ADARB1: variants seen among roughly 807,000 people sequenced by gnomAD.
ADARB1 encodes the protein adenosine deaminase RNA specific B1.
Under a neutral mutation model 52.4 loss-of-function variants are expected in ADARB1, and 10 were observed. That is an observed-to-expected ratio of 0.19 (90% CI 0.12 to 0.32). The LOEUF (loss-of-function observed/expected upper bound fraction) is 0.32, where lower values mean the gene tolerates loss of function less well. Ranked by LOEUF, ADARB1 falls within the 10% of genes least tolerant of loss-of-function variation. ADARB1 has a pLI of 1.00. For missense variants in ADARB1, 643 were observed against 922.3 expected, an observed-to-expected ratio of 0.70 and a Z score of 3.92; for synonymous variants, 349 against 371.1, an observed-to-expected ratio of 0.94 and a Z score of 0.68.
intron 2 of ADARB1, among the ~76,000 whole-genome samples, chr21:45,162,366 C>G (rs1359205953): frequency 1.3e-5 from 2 of 152,162 alleles, no homozygotes; most frequent in Non-Finnish European, 2.9e-5. Flanking sequence ...TACACAATGG[C>G]TGGACCCCAC....
At chr21:45,099,602 C>G (rs1019070193) in intron 1 of ADARB1, among the ~76,000 whole-genome samples, 1 of 151,908 alleles carries the variant, frequency 6.6e-6, no homozygotes, top group Non-Finnish European at 1.5e-5. Flanking sequence ...TGGGAGGGGA[C>G]CACTCCAGCC....
intron 8 of ADARB1, among the ~76,000 whole-genome samples, chr21:45,198,430 G>A (rs897175508): frequency 6.6e-6 from 1 of 152,000 alleles, no homozygotes; most frequent in African/African-American, 2.4e-5. Context: ...CTAGAAAAGT[G>A]TACATTGCTA....
chr21:45,223,150 T>C lies in ADARB1; in HGVS notation c.*953T>C, dbSNP rs2092994692. Reference sequence around the variant, plus strand: ...TTCCTCTGAATCGAATGGATGTGGGTGACCGCCCGAAGGCCTTCACAGGAT... The same window carrying C: ...TTCCTCTGAATCGAATGGATGTGGGCGACCGCCCGAAGGCCTTCACAGGAT... On this transcript the variant is annotated 3_prime_UTR_variant, in exon 11 of 11. Coordinates refer to ENST00000348831, the MANE Select transcript of ADARB1 (RefSeq NM_001112.4). 1.0e-6 allele frequency: 1 copy of C among 985,368 alleles called. No individual in the cohort carries two copies. Among genetic ancestry groups the C allele is most frequent in the Non-Finnish European group, 1.2e-6 (1 of 829,958 alleles). The allele number at this position is 985,368 out of a possible 1,614,324, so 61.0% of individuals were successfully genotyped here. A position where few individuals can be genotyped will look rare whatever the true frequency, so the allele number is the denominator to read the frequency against.
At chr21:45,218,964 A>G (rs1470271432) in intron 9 of ADARB1, among the ~76,000 whole-genome samples, 1 of 152,204 alleles carries the variant, frequency 6.6e-6, no homozygotes, top group Admixed American at 6.5e-5. Flanking sequence ...ATCAAGCTCA[A>G]TATATAAATG....
intron 1 of ADARB1, among the ~76,000 whole-genome samples, chr21:45,110,300 A>G (rs911691528): frequency 6.6e-6 from 1 of 152,184 alleles, no homozygotes; most frequent in Non-Finnish European, 1.5e-5. Flanking sequence ...TAAAATGTTC[A>G]TCTGTTTATT....
At chr21:45,096,731 C>T (rs534496098) in intron 1 of ADARB1, among the ~76,000 whole-genome samples, 3 of 152,270 alleles carry the variant, frequency 2.0e-5, no homozygotes, top group East Asian at 1.9e-4. Flanking sequence ...GCTTGGGCTT[C>T]GGGAGGAATT....
chr21:45,192,347 A>G (rs1173629688), intron 8 of ADARB1, among the ~76,000 whole-genome samples: 4 of 152,270 alleles, frequency 2.6e-5, no homozygotes, highest in South Asian at 2.1e-4. Context: ...CCCCACCCCA[A>G]TGCCTCTCAT....
rs148531227 is a variant in ADARB1 at position 45,087,527 on chromosome 21, G to C, written c.-220+12734G>C. On this transcript the variant is annotated intron_variant, in intron 1 of 10. Transcript: ENST00000348831. ...AAACAAAAGAGATGGTGACTGCAGAGGGCCAGGGGACGGAGGAGGAGTGGG... is the reference window on the plus strand; with the variant it reads ...AAACAAAAGAGATGGTGACTGCAGACGGCCAGGGGACGGAGGAGGAGTGGG... Among the ~76,000 whole-genome samples, 388 of 152,310 alleles carry C rather than the reference G, an allele frequency of 2.5e-3. 1 individual carries two copies. Among genetic ancestry groups the C allele is most frequent in the African/African-American group, 8.4e-3 (351 of 41,554 alleles).
At chr21:45,149,432 G>A (rs2090172932) in intron 2 of ADARB1, among the ~76,000 whole-genome samples, 1 of 152,212 alleles carries the variant, frequency 6.6e-6, no homozygotes, top group Admixed American at 6.5e-5. Context: ...TTCAAATGGG[G>A]GCCGCATATC....
chr21:45,144,755 G>A (rs2089923343), intron 2 of ADARB1: 2 of 389,160 alleles, frequency 5.1e-6, no homozygotes, highest in South Asian at 2.0e-5. Flanking sequence ...AAGAGAGCCA[G>A]TGCCCCACCA....
intron 2 of ADARB1, among the ~76,000 whole-genome samples, chr21:45,150,427 A>G (rs2090225712): frequency 6.6e-6 from 1 of 152,150 alleles, no homozygotes; most frequent in Non-Finnish European, 1.5e-5. Context: ...ATTAAGTTAT[A>G]AGATATAAAG....
At chr21:45,158,694 C>T (rs139347357) in intron 2 of ADARB1, among the ~76,000 whole-genome samples, 3 of 152,296 alleles carry the variant, frequency 2.0e-5, no homozygotes, top group South Asian at 2.1e-4. Flanking sequence ...CCACACCCCG[C>T]GGGTGTCCCT....
chr21:45,174,737 C>T (rs573630187), intron 3 of ADARB1, among the ~76,000 whole-genome samples: 6 of 151,168 alleles, frequency 4.0e-5, no homozygotes, highest in African/African-American at 1.5e-4. Context: ...ATGTATAAAT[C>T]CATAAATAAA....
intron 1 of ADARB1, among the ~76,000 whole-genome samples, chr21:45,118,025 A>G (rs1407629248): frequency 6.6e-6 from 1 of 152,262 alleles, no homozygotes; most frequent in Non-Finnish European, 1.5e-5. Flanking sequence ...TTTCCCATCT[A>G]TCATTAGGCT....
At chr21:45,098,114 C>T (rs1421960378) in intron 1 of ADARB1, among the ~76,000 whole-genome samples, 1 of 152,230 alleles carries the variant, frequency 6.6e-6, no homozygotes, top group Non-Finnish European at 1.5e-5. Context: ...CGCTTCCCAC[C>T]CGGGTGCTTG....
intron 8 of ADARB1, among the ~76,000 whole-genome samples, chr21:45,199,738 A>G (rs1447774318): frequency 6.6e-6 from 1 of 152,230 alleles, no homozygotes; most frequent in African/African-American, 2.4e-5. Flanking sequence ...ATATTTGGAA[A>G]AGAAAAGCCA....
At chr21:45,083,184 T>C (rs2086216906) in intron 1 of ADARB1, among the ~76,000 whole-genome samples, 1 of 152,238 alleles carries the variant, frequency 6.6e-6, no homozygotes, top group African/African-American at 2.4e-5. Flanking sequence ...GATAGACACT[T>C]GTAAGCCTTT....
intron 2 of ADARB1, among the ~76,000 whole-genome samples, chr21:45,136,317 TTAAAAAC>T (rs932079740): frequency 2.6e-5 from 4 of 152,158 alleles, no homozygotes; most frequent in Non-Finnish European, 4.4e-5. Context: ...GACCCTGCTC[TTAAAAAC>T]ATGTGGACCC....
At chr21:45,096,324 G>GC in intron 1 of ADARB1, among the ~76,000 whole-genome samples, 1 of 152,244 alleles carries the variant, frequency 6.6e-6, no homozygotes, top group East Asian at 1.9e-4. Flanking sequence ...AGGGACAAGT[G>GC]CCCCCTCTGC....
Sources: allele counts gnomAD v4.1 joint callset (sites outside exome capture counted in the v4.1 genomes callset), GRCh38; gene constraint gnomAD v4.1.1; transcripts MANE v1.5; gene names NCBI Gene and HGNC (gene_info 2026-07-23, HGNC 2026-07-21).